The following IKZF2 variants were observed in gnomAD, a reference collection of about 807,000 sequenced individuals.
The protein encoded by IKZF2 is zinc finger protein Helios.
IKZF2 carries 15 observed loss-of-function variants against 49.2 expected under a neutral mutation model. The observed-to-expected ratio is 0.30, with a 90% CI of 0.20 to 0.47. The LOEUF is 0.47. Among genes scored for constraint, IKZF2 ranks in the 20% least tolerant of loss-of-function variants. IKZF2 has a pLI of 1.00. For synonymous variants in IKZF2, 227 were observed against 221.4 expected (o/e 1.03, Z -0.23); for missense variants, 567 against 664.6 (o/e 0.85, Z 1.61).
intron 4 of IKZF2, among the ~76,000 whole-genome samples, chr2:213,143,961 G>T (rs2060959356): frequency 6.6e-6 from 1 of 151,848 alleles, no homozygotes; most frequent in Admixed American, 6.6e-5. Context: ...ACAATTTTAT[G>T]TCCCAATCCT....
At chr2:213,103,797 A>T (rs1329164558) in intron 4 of IKZF2, among the ~76,000 whole-genome samples, 3 of 37,286 alleles carry the variant, frequency 8.0e-5, no homozygotes, top group African/African-American at 4.3e-4. Flanking sequence ...AACAACTGTT[A>T]CAGAAATAAA....
chr2:213,030,040 TTTGTCTTTC>T (rs1698242879), intron 6 of IKZF2, among the ~76,000 whole-genome samples: 1 of 152,148 alleles, frequency 6.6e-6, no homozygotes, highest in Non-Finnish European at 1.5e-5. Flanking sequence ...TCTTACTGCT[TTTGTCTTTC>T]TGAATAAATT....
At chr2:213,039,298 TG>T (rs1165653279) in intron 6 of IKZF2, among the ~76,000 whole-genome samples, 1 of 152,070 alleles carries the variant, frequency 6.6e-6, no homozygotes, top group East Asian at 1.9e-4. Flanking sequence ...GAGCTATTTT[TG>T]TGGATAAAAT....
intron 4 of IKZF2, among the ~76,000 whole-genome samples, chr2:213,069,231 A>G (rs1702453294): frequency 6.6e-6 from 1 of 152,112 alleles, no homozygotes; most frequent in Non-Finnish European, 1.5e-5. Flanking sequence ...GCCTAGTGAT[A>G]CCAGCTACCT....
chr2:213,052,786 A>G (rs1700795562), intron 5 of IKZF2, among the ~76,000 whole-genome samples: 2 of 152,144 alleles, frequency 1.3e-5, no homozygotes, highest in Admixed American at 6.5e-5. Context: ...AGTTATTTCT[A>G]TAAAACATTA....
At chr2:213,057,761 T>C (rs1701302146) in intron 4 of IKZF2, among the ~76,000 whole-genome samples, 1 of 152,194 alleles carries the variant, frequency 6.6e-6, no homozygotes, top group African/African-American at 2.4e-5. Flanking sequence ...AAATTACCTA[T>C]GGAACATGTT....
intron 4 of IKZF2, among the ~76,000 whole-genome samples, chr2:213,071,686 A>C (rs1032954564): frequency 1.3e-5 from 2 of 152,142 alleles, no homozygotes; most frequent in African/African-American, 4.8e-5. Flanking sequence ...GGCTCACAGC[A>C]ATTCACTTAA....
At chr2:213,046,379 A>G (rs1385272345) in intron 6 of IKZF2, among the ~76,000 whole-genome samples, 3 of 152,152 alleles carry the variant, frequency 2.0e-5, no homozygotes, top group Admixed American at 2.0e-4. Flanking sequence ...TTTTGCTTCA[A>G]CCCGTATGTA....
At position 213,007,265 on chromosome 2, in the gene IKZF2, T is replaced by C; in HGVS notation, c.*95A>G. On this transcript the variant is annotated 3_prime_UTR_variant, in exon 9 of 9. Coordinates refer to ENST00000434687, the MANE Select transcript of IKZF2 (RefSeq NM_001387220.1). ...TAATAATATTAAAAAAAATAAAAGG[T>C]ATGTCAACATTTGAGGAAAGGTGGG... is the stretch of plus-strand genomic sequence containing the variant. The C allele has an allele frequency of 1.5e-6, 2 of 1,302,346 alleles. No homozygotes were observed. Among genetic ancestry groups the C allele is most frequent in the Non-Finnish European group, 2.1e-6 (2 of 944,794 alleles). 80.7% of individuals were successfully genotyped at this position (1,302,346 alleles called of 1,614,324 possible).
chr2:213,033,221 G>A (rs532898834), intron 6 of IKZF2, among the ~76,000 whole-genome samples: 41 of 152,196 alleles, frequency 2.7e-4, no homozygotes, highest in Non-Finnish European at 4.6e-4. Flanking sequence ...CTCTAGTTAT[G>A]TTGCTGTTTC....
intron 4 of IKZF2, among the ~76,000 whole-genome samples, chr2:213,122,183 C>T (rs1471432509): frequency 6.6e-6 from 1 of 152,156 alleles, no homozygotes; most frequent in Non-Finnish European, 1.5e-5. Context: ...AGAGCTACAA[C>T]TCTCCCTGCC....
intron 6 of IKZF2, among the ~76,000 whole-genome samples, chr2:213,035,453 T>C (rs1559188245): frequency 1.3e-5 from 2 of 152,114 alleles, no homozygotes; most frequent in African/African-American, 2.4e-5. Flanking sequence ...AACCACAGAT[T>C]CTGATTCAAG....
chr2:213,014,632 CAT>C (rs1696365413), intron 7 of IKZF2: 1 of 152,046 alleles, frequency 6.6e-6, no homozygotes, highest in Admixed American at 6.6e-5. Flanking sequence ...ATTCATTTGA[CAT>C]ATACTCTCCA....
At chr2:213,071,375 C>G (rs1702685212) in intron 4 of IKZF2, among the ~76,000 whole-genome samples, 1 of 152,042 alleles carries the variant, frequency 6.6e-6, no homozygotes, top group Middle Eastern at 3.4e-3. Context: ...CAGAAAAATG[C>G]AAAGAATCTG....
chr2:213,013,977 A>G, intron 7 of IKZF2, 43 bp from the exon 8 acceptor site: 1 of 1,590,464 alleles, frequency 6.3e-7, no homozygotes, highest in African/African-American at 1.3e-5. Flanking sequence ...AATTTCTTCA[A>G]CATTTTGGAT....
intron 8 of IKZF2, 24 bp downstream of exon 8, chr2:213,013,767 A>T (rs1306807117): frequency 6.3e-7 from 1 of 1,593,742 alleles, no homozygotes; most frequent in African/African-American, 1.4e-5. Context: ...CTTGCAAAGA[A>T]ACAAAAGCAT....
chr2:213,120,457 GC>G (rs1199355171), intron 4 of IKZF2, among the ~76,000 whole-genome samples: 1 of 152,184 alleles, frequency 6.6e-6, no homozygotes, highest in Non-Finnish European at 1.5e-5. Flanking sequence ...TCAAGACATG[GC>G]AAGTATCTGT....
rs1695391041 is a variant in IKZF2, at chr2:213,006,932, A to C, written c.*428T>G. On this transcript the variant is annotated 3_prime_UTR_variant, in exon 9 of 9. Coordinates refer to ENST00000434687, the MANE Select transcript of IKZF2 (RefSeq NM_001387220.1). The stretch of plus-strand genomic sequence containing the variant: ...TTTGAAACACATTCTTCTTTCAAGA[A>C]TAAAGTTACTTATACCATTTTTAAA... The C allele has an allele frequency of 6.4e-6, 1 of 156,464 alleles. No individual in the cohort carries two copies. The highest frequency in any genetic ancestry group is 6.3e-5 in the Admixed American group (1 of 15,794). The allele number at this position is 156,464 out of a possible 1,614,324, so 9.7% of individuals were successfully genotyped here.
chr2:213,152,067 G>C (rs1276681025), upstream of IKZF2: 2 of 152,120 alleles, frequency 1.3e-5, no homozygotes, highest in Admixed American at 6.5e-5. Context: ...CAGGTAACCC[G>C]CTTCCGAGTG....
Sources: gnomAD v4.1 joint callset for allele counts (sites outside exome capture counted in the v4.1 genomes callset) on GRCh38, gnomAD v4.1.1 for gene constraint, MANE v1.5 for transcripts, NCBI Gene and HGNC (gene_info 2026-07-23, HGNC 2026-07-21) for gene names.